Variants in ANOS1 observed in about 807,000 individuals in gnomAD.
The protein encoded by ANOS1 is anosmin 1.
ANOS1 carries 6 observed loss-of-function variants against 59.0 expected under a neutral mutation model. The observed-to-expected ratio is 0.10, with a 90% CI of 0.06 to 0.20. The LOEUF (loss-of-function observed/expected upper bound fraction) is 0.20. ANOS1 is among the 10% of genes least tolerant of loss of function. The pLI is 1.00. For synonymous variants in ANOS1, 217 were observed against 223.4 expected, an observed-to-expected ratio of 0.97 and a Z score of 0.25; for missense variants, 433 against 542.3, an observed-to-expected ratio of 0.80 and a Z score of 2.00.
intron 2 of ANOS1, among the ~76,000 whole-genome samples, chrX:8,654,243 T>A (rs1174020733): frequency 8.9e-6 from 1 of 111,926 alleles, no homozygotes; most frequent in Non-Finnish European, 1.9e-5. Flanking sequence ...AATACTTCAG[T>A]ATAAACAAAC....
chrX:8,588,194 C>A (rs1930554843), intron 4 of ANOS1, among the ~76,000 whole-genome samples: 1 of 110,107 alleles, frequency 9.1e-6, no homozygotes, highest in South Asian at 3.9e-4. Context: ...TCTTTTTTTT[C>A]TTTTTTTTAA....
chrX:8,693,975 G>T (rs1336864691), intron 2 of ANOS1, among the ~76,000 whole-genome samples: 1 of 111,102 alleles, frequency 9.0e-6, no homozygotes, highest in Non-Finnish European at 1.9e-5. Context: ...GCCCACCTCA[G>T]CCTCCCAAAG....
chrX:8,656,759 T>C (rs971308978), intron 2 of ANOS1, among the ~76,000 whole-genome samples: 2 of 110,956 alleles, frequency 1.8e-5, no homozygotes, highest in Non-Finnish European at 3.8e-5. Context: ...AAAGCTCAAC[T>C]CCCGATGTGA....
chrX:8,654,805 T>C lies in ANOS1; in HGVS notation c.256-31135A>G, dbSNP rs188799750. 3.6e-3 allele frequency among the ~76,000 whole-genome samples: 401 copies of C among 112,457 alleles called. 3 individuals are homozygous for C. Among genetic ancestry groups the C allele is most frequent in the African/African-American group, 0.012 (374 of 30,970 alleles). ...ATTGGGAAATGAATCCACTCTGACATTTGCTTTTGTACAGCCCCATGGTGA... is the reference window on the plus strand; with the variant it reads ...ATTGGGAAATGAATCCACTCTGACACTTGCTTTTGTACAGCCCCATGGTGA... On this transcript the variant is annotated intron_variant, in intron 2 of 13. Coordinates refer to ENST00000262648, the MANE Select transcript of ANOS1 (RefSeq NM_000216.4).
chrX:8,617,836 TA>T (rs1931202692), intron 3 of ANOS1, among the ~76,000 whole-genome samples: 1 of 111,282 alleles, frequency 9.0e-6, no homozygotes, highest in Non-Finnish European at 1.9e-5. Flanking sequence ...CCTTCTCATT[TA>T]AGGATAAGCC....
chrX:8,568,920 T>C (rs1240182893), intron 7 of ANOS1, among the ~76,000 whole-genome samples: 2 of 111,852 alleles, frequency 1.8e-5, no homozygotes, highest in African/African-American at 3.2e-5. Flanking sequence ...TCAGATACCA[T>C]GGAAATAAAT....
intron 2 of ANOS1, among the ~76,000 whole-genome samples, chrX:8,626,919 G>T (rs1931406432): frequency 9.1e-6 from 1 of 109,316 alleles, no homozygotes; most frequent in Non-Finnish European, 1.9e-5. Context: ...TTTCCTTAAA[G>T]AACTAGTTTT....
At chrX:8,539,072 T>G (rs1929641583) in intron 10 of ANOS1, among the ~76,000 whole-genome samples, 1 of 111,558 alleles carries the variant, frequency 9.0e-6, no homozygotes, top group Non-Finnish European at 1.9e-5. Flanking sequence ...TTGTTGATTC[T>G]AATCTATAAT....
chrX:8,640,042 G>C (rs766090690), intron 2 of ANOS1, among the ~76,000 whole-genome samples: 7 of 110,745 alleles, frequency 6.3e-5, no homozygotes, highest in Admixed American at 9.6e-5. Context: ...AGGGCAGTAG[G>C]GGGAGGCCGT....
intron 2 of ANOS1, among the ~76,000 whole-genome samples, chrX:8,674,095 C>T (rs1932298221): frequency 8.9e-6 from 1 of 112,027 alleles, no homozygotes; most frequent in Non-Finnish European, 1.9e-5. Context: ...CCAAGTGTAA[C>T]AACCTTTTGG....
chrX:8,563,657 G>A (rs1052632408), intron 8 of ANOS1, among the ~76,000 whole-genome samples: 4 of 112,349 alleles, frequency 3.6e-5, no homozygotes, highest in East Asian at 5.6e-4. Flanking sequence ...GAAAGCTGTC[G>A]TGTTAGAGTG....
chrX:8,683,099 G>A (rs775430224), intron 2 of ANOS1, among the ~76,000 whole-genome samples: 1 of 111,013 alleles, frequency 9.0e-6, no homozygotes, highest in South Asian at 3.9e-4. Context: ...TGGGATCTGT[G>A]AAGAGCAAAA....
rs187586829 is a variant in ANOS1, at chrX:8,672,605, A to G, written c.255+27093T>C. ...TTTGAGAGAGCCCCTGGGATAGGAG[A>G]GCAGGGAGGCTTATCTCCTGTCTCC... On this transcript the variant is annotated intron_variant, in intron 2 of 13. Coordinates refer to ENST00000262648, the MANE Select transcript of ANOS1 (RefSeq NM_000216.4). 9.8e-5 allele frequency among the ~76,000 whole-genome samples: 11 copies of G among 111,899 alleles called. No homozygotes were observed. The East Asian group carries it at 3.1e-3, about 31-fold the overall frequency.
At chrX:8,600,126 T>A (rs1327075006) in intron 3 of ANOS1, among the ~76,000 whole-genome samples, 1 of 112,187 alleles carries the variant, frequency 8.9e-6, no homozygotes, top group East Asian at 2.8e-4. Context: ...TCAATTAAAA[T>A]ATGCGTAAGA....
chrX:8,586,191 T>C lies in ANOS1; in HGVS notation c.727-795A>G, dbSNP rs1299600980. On this transcript the variant is annotated intron_variant, in intron 5 of 13. Transcript: ENST00000262648. Reference sequence around the variant, plus strand: ...ATCTACACCAGGTGCCGAACTCAACTTGGATCTGTGGATGAAACTAAGGAA... The same window carrying C: ...ATCTACACCAGGTGCCGAACTCAACCTGGATCTGTGGATGAAACTAAGGAA... Among the ~76,000 whole-genome samples the C allele has an allele frequency of 3.6e-5, 4 of 112,135 alleles. No homozygotes were observed. In the Admixed American group the frequency reaches 3.8e-4, roughly 11 times the overall value.
At chrX:8,610,006 C>CAAAAAAAAAAA (rs1167209336) in intron 3 of ANOS1, among the ~76,000 whole-genome samples, 32 of 9,159 alleles carry the variant, frequency 3.5e-3, no homozygotes, top group African/African-American at 5.6e-3. Context: ...GACTCCATCT[C>CAAAAAAAAAAA]AAAAAAAAAA....
chrX:8,656,562 T>G (rs1362881181), intron 2 of ANOS1, among the ~76,000 whole-genome samples: 2 of 111,449 alleles, frequency 1.8e-5, no homozygotes, highest in Non-Finnish European at 3.8e-5. Flanking sequence ...CTCGTCTAAG[T>G]TGCTAAGCTT....
At chrX:8,681,367 T>G (rs5978260) in intron 2 of ANOS1, among the ~76,000 whole-genome samples, 56,549 of 111,005 alleles carry the variant, frequency 0.51, 11,104 homozygotes, top group African/African-American at 0.72. Flanking sequence ...ATTTTATATA[T>G]GACAAAGAAA....
intron 2 of ANOS1, among the ~76,000 whole-genome samples, chrX:8,638,341 C>T (rs1931605009): frequency 8.9e-6 from 1 of 112,181 alleles, no homozygotes; most frequent in African/African-American, 3.2e-5. Context: ...CATTTCTAAT[C>T]TTACAAGAGT....
Sources: gnomAD v4.1 joint callset for allele counts (sites outside exome capture counted in the v4.1 genomes callset) on GRCh38, gnomAD v4.1.1 for gene constraint, MANE v1.5 for transcripts, NCBI Gene and HGNC (gene_info 2026-07-23, HGNC 2026-07-21) for gene names.